NCOR2: variants seen among roughly 807,000 people sequenced by gnomAD.
NCOR2 encodes the protein nuclear receptor corepressor 2, also known as CTG repeat protein 26.
In NCOR2, 81 loss-of-function variants were observed where a neutral mutation model predicts 262.9. That is an observed-to-expected ratio of 0.31 (90% CI 0.26 to 0.37). The LOEUF is 0.37. Ranked by LOEUF, NCOR2 falls within the 10% of genes least tolerant of loss-of-function variation. NCOR2 has a pLI of 1.00. For synonymous variants in NCOR2, 1,659 were observed against 1,559.3 expected (o/e 1.06, Z -1.51); for missense variants, 3,385 against 3,621.4 (o/e 0.93, Z 1.68).
At chr12:124,412,844 G>A (rs1002518851) in intron 13 of NCOR2, among the ~76,000 whole-genome samples, 22 of 152,200 alleles carry the variant, frequency 1.4e-4, no homozygotes, top group African/African-American at 5.1e-4. Context: ...AGCCCTTCCG[G>A]TGATTCCGAC....
intron 5 of NCOR2, among the ~76,000 whole-genome samples, chr12:124,458,143 G>A (rs554491565): frequency 6.6e-6 from 1 of 152,380 alleles, no homozygotes; most frequent in South Asian, 2.1e-4. Context: ...TAGGCGGACA[G>A]GCCGCAGAAG....
chr12:124,422,578 G>C (rs547315690), intron 11 of NCOR2, 23 bp from the exon 14 acceptor site: 4 of 1,613,336 alleles, frequency 2.5e-6, no homozygotes, highest in South Asian at 1.1e-5. Flanking sequence ...AAGGGTGGGC[G>C]TGAGACCTGG....
intron 8 of NCOR2, among the ~76,000 whole-genome samples, chr12:124,433,729 G>A (rs1205932008): frequency 6.6e-6 from 1 of 152,014 alleles, no homozygotes; most frequent in Non-Finnish European, 1.5e-5. Context: ...GGGCAGCTCC[G>A]GCCTGGCCTG....
intron 13 of NCOR2, among the ~76,000 whole-genome samples, chr12:124,410,749 C>T (rs1263434375): frequency 1.3e-5 from 2 of 152,176 alleles, no homozygotes; most frequent in Non-Finnish European, 2.9e-5. Context: ...AATACCAACA[C>T]CCACCGCACA....
chr12:124,493,948 G>A (rs967304518), intron 1 of NCOR2, among the ~76,000 whole-genome samples: 1 of 152,170 alleles, frequency 6.6e-6, no homozygotes, highest in Non-Finnish European at 1.5e-5. Flanking sequence ...GAGAGCGTGA[G>A]CTGCTCTTTC....
upstream of NCOR2, chr12:124,495,457 C>T (rs1053158958): frequency 2.0e-5 from 20 of 1,014,882 alleles, no homozygotes; most frequent in African/African-American, 6.5e-5. The surrounding 1 kb of genome is among the most constrained non-coding windows in gnomAD (Gnocchi z 4.4). Flanking sequence ...CCTGTGGTCC[C>T]GTGAGGACAC....
At chr12:124,404,433 A>G (rs1232962767) in intron 13 of NCOR2, among the ~76,000 whole-genome samples, 1 of 152,192 alleles carries the variant, frequency 6.6e-6, no homozygotes, top group Non-Finnish European at 1.5e-5. Context: ...TCCCGATGGG[A>G]GCAGCAGCCA....
intron 17 of NCOR2, among the ~76,000 whole-genome samples, chr12:124,384,122 G>A (rs1449119733): frequency 6.6e-6 from 1 of 152,148 alleles, no homozygotes; most frequent in African/African-American, 2.4e-5. Context: ...AGATGCTCAG[G>A]GCCAAAGCCC....
chr12:124,466,257 C>G, exon 5 of NCOR2: 1 of 1,608,166 alleles, frequency 6.2e-7, no homozygotes, highest in Non-Finnish European at 8.5e-7. Flanking sequence ...CAGGCTCGGG[C>G]GGCTTGGCAG....
rs966632555 is a variant in NCOR2, at chr12:124,432,041, A to ACAGG, written c.883-1258_883-1255dup. 2.3e-4 allele frequency among the ~76,000 whole-genome samples: 35 copies of ACAGG among 151,294 alleles called. No individual in the cohort carries two copies. The highest frequency in any genetic ancestry group is 6.8e-4 in the African/African-American group (28 of 41,176). ...GACAGACACACACACAGTCCATCAC[A>ACAGG]CAGGCAGGCAGGCAGACACACAGGC... is the stretch of plus-strand genomic sequence containing the variant. On this transcript the variant is annotated intron_variant, in intron 8 of 46. Coordinates refer to ENST00000405201, the Ensembl canonical transcript of NCOR2. This position sits in a 1 kb window ranked among gnomAD's most constrained non-coding sequence, Gnocchi z 5.1.
At chr12:124,526,511 G>C (rs2050477161) in intron 1 of NCOR2, among the ~76,000 whole-genome samples, 1 of 152,180 alleles carries the variant, frequency 6.6e-6, no homozygotes, top group South Asian at 2.1e-4. Context: ...ACAGGTGTGG[G>C]CTGTGGCTGG....
At chr12:124,543,321 G>A (rs980961761) in intron 1 of NCOR2, among the ~76,000 whole-genome samples, 1 of 152,234 alleles carries the variant, frequency 6.6e-6, no homozygotes, top group Admixed American at 6.5e-5. Context: ...TAGCGACTGG[G>A]GAGGAGCCGC....
intron 37 of NCOR2, 95 bp downstream of exon 39, chr12:124,339,911 C>CCA (rs2036305557): frequency 9.2e-7 from 1 of 1,090,164 alleles, no homozygotes; most frequent in Non-Finnish European, 1.3e-6. Context: ...ACCCACCTCC[C>CCA]ATATACCTCC....
chr12:124,536,023 CG>C (rs2051104450), upstream of NCOR2, among the ~76,000 whole-genome samples: 1 of 152,034 alleles, frequency 6.6e-6, no homozygotes, highest in East Asian at 1.9e-4. Flanking sequence ...GGATGGGGTC[CG>C]GGGGTGGGGG....
intron 1 of NCOR2, among the ~76,000 whole-genome samples, chr12:124,564,932 A>G (rs900013272): frequency 1.1e-3 from 112 of 99,852 alleles, no homozygotes; most frequent in African/African-American, 3.4e-3. Flanking sequence ...CCAGGCCCCG[A>G]GAACAATCAA....
chr12:124,509,241 G>GT (rs1555234132), intron 1 of NCOR2, among the ~76,000 whole-genome samples: 4 of 64,616 alleles, frequency 6.2e-5, no homozygotes, highest in Non-Finnish European at 2.1e-4. Context: ...TTGGTGGGGG[G>GT]GGGGGGGGCT....
At chr12:124,355,127 C>A (rs2037846003) in intron 24 of NCOR2, 188 bp from the exon 27 acceptor site, 3 of 615,608 alleles carry the variant, frequency 4.9e-6, no homozygotes, top group Non-Finnish European at 8.5e-6. Flanking sequence ...AGGGGCCATG[C>A]CCTCTGAGCC....
rs1377124505 is a variant in NCOR2, at chr12:124,517,781, C to A, written c.-118+17784G>T. Among the ~76,000 whole-genome samples the A allele has an allele frequency of 6.6e-6, 1 of 152,252 alleles. No individual in the cohort carries two copies. The highest frequency in any genetic ancestry group is 1.9e-4 in the East Asian group (1 of 5,198). On this transcript the variant is annotated intron_variant, in intron 1 of 46. Coordinates refer to the NCOR2 transcript ENST00000404621. This position sits in a 1 kb window ranked among gnomAD's most constrained non-coding sequence, Gnocchi z 7.6. ...GCCGGCCAAGAAGCCTCACCCCGGC[C>A]TGCCCGGCCAGCGCCTCCGAGCGCT...
intron 43 of NCOR2, 109 bp from the exon 46 acceptor site, chr12:124,331,007 T>G: frequency 3.5e-6 from 4 of 1,139,142 alleles, no homozygotes; most frequent in Non-Finnish European, 5.1e-6. Context: ...TGGGGAAACT[T>G]GTGCATTGCA....
Sources: allele counts gnomAD v4.1 joint callset (sites outside exome capture counted in the v4.1 genomes callset), GRCh38; gene constraint gnomAD v4.1.1; non-coding constraint Gnocchi (gnomAD v3.1); transcripts MANE v1.5; gene names NCBI Gene and HGNC (gene_info 2026-07-23, HGNC 2026-07-21).